PHACTR3: variants seen among roughly 807,000 people sequenced by gnomAD.
The protein encoded by PHACTR3 is protein phosphatase 1, regulatory subunit 123.
In PHACTR3, 16 loss-of-function variants were observed where a neutral mutation model predicts 66.8. The ratio of observed to expected loss-of-function variants is 0.24; its 90% CI spans 0.16 to 0.36. PHACTR3 has a LOEUF of 0.36. PHACTR3 is among the 10% of genes least tolerant of loss of function. PHACTR3 has a pLI of 1.00. For missense variants in PHACTR3, 647 were observed against 719.9 expected (o/e 0.90, Z 1.16); for synonymous variants, 323 against 292.1 (o/e 1.11, Z -1.08).
intron 2 of PHACTR3, among the ~76,000 whole-genome samples, chr20:59,743,816 T>G (rs1395591073): frequency 6.6e-6 from 1 of 152,096 alleles, no homozygotes; most frequent in Non-Finnish European, 1.5e-5. Flanking sequence ...GGGCCTCTCT[T>G]CTTCCTGAAA....
chr20:59,771,397 G>A (rs1436653357), intron 5 of PHACTR3, among the ~76,000 whole-genome samples: 2 of 152,150 alleles, frequency 1.3e-5, no homozygotes, highest in Non-Finnish European at 2.9e-5. Flanking sequence ...AGCTGGGGAT[G>A]GGTCTCCCTG....
chr20:59,724,049 C>T (rs2038457507), intron 1 of PHACTR3, among the ~76,000 whole-genome samples: 1 of 152,170 alleles, frequency 6.6e-6, no homozygotes, highest in Non-Finnish European at 1.5e-5. Flanking sequence ...ACACCTTTCA[C>T]ATGGTCACAC....
intron 1 of PHACTR3, among the ~76,000 whole-genome samples, chr20:59,617,911 A>G (rs2034091159): frequency 6.6e-6 from 1 of 152,176 alleles, no homozygotes. Context: ...CTGTTGCCTC[A>G]TCCTCGTGGT....
chr20:59,756,828 C>G (rs530989761), intron 4 of PHACTR3, among the ~76,000 whole-genome samples: 1 of 152,240 alleles, frequency 6.6e-6, no homozygotes, highest in Non-Finnish European at 1.5e-5. Context: ...CCCCTCCCCC[C>G]ACCAAGCAAT....
intron 1 of PHACTR3, among the ~76,000 whole-genome samples, chr20:59,725,845 A>G (rs1045162042): frequency 3.9e-5 from 6 of 152,146 alleles, no homozygotes; most frequent in Non-Finnish European, 8.8e-5. Flanking sequence ...AGAGGCTGAG[A>G]GGCTGGGAGT....
chr20:59,635,111 CTTT>C (rs2034805843), intron 1 of PHACTR3, among the ~76,000 whole-genome samples: 1 of 64,540 alleles, frequency 1.5e-5, no homozygotes, highest in Admixed American at 1.7e-4. Context: ...CTCTTTCTTT[CTTT>C]CTTTCTTTCT....
At chr20:59,819,608 G>A (rs183116493) in intron 8 of PHACTR3, among the ~76,000 whole-genome samples, 16 of 152,108 alleles carry the variant, frequency 1.1e-4, no homozygotes, top group Non-Finnish European at 2.4e-4. Context: ...GATCCCACAG[G>A]TCCAGCTCAG....
intron 1 of PHACTR3, among the ~76,000 whole-genome samples, chr20:59,711,984 CT>C (rs1248832106): frequency 1.3e-5 from 2 of 151,602 alleles, no homozygotes; most frequent in African/African-American, 2.4e-5. Context: ...ATATTAAGGA[CT>C]TTTTTTTCAT....
intron 7 of PHACTR3, among the ~76,000 whole-genome samples, chr20:59,793,526 CT>C (rs2041163863): frequency 6.6e-6 from 1 of 152,036 alleles, no homozygotes; most frequent in Non-Finnish European, 1.5e-5. Flanking sequence ...TCCCATTTTA[CT>C]TTTTTGTAGC....
chr20:59,696,886 C>T (rs1442352666), intron 1 of PHACTR3, among the ~76,000 whole-genome samples: 1 of 152,212 alleles, frequency 6.6e-6, no homozygotes, highest in Non-Finnish European at 1.5e-5. Context: ...GACTTTGAGA[C>T]AGTCCACGCT....
At chr20:59,770,474 G>A (rs542723150) in intron 5 of PHACTR3, among the ~76,000 whole-genome samples, 1 of 152,312 alleles carries the variant, frequency 6.6e-6, no homozygotes, top group Non-Finnish European at 1.5e-5. Context: ...GCCCAACTGA[G>A]TCTCCACCCA....
Position 59,830,073 on chromosome 20 carries a change from G to A in PHACTR3, c.1329-6432G>A, listed in dbSNP as rs1386943571. Among the ~76,000 whole-genome samples the A allele has an allele frequency of 2.0e-5, 3 of 152,318 alleles. No homozygotes were observed. In the East Asian group the frequency reaches 5.8e-4, roughly 29 times the overall value. ...GTGTGCAGAGGACGATTCAGAAACTGGTACAAACTTGGCACTGAGACGGCG... is the reference window on the plus strand; with the variant it reads ...GTGTGCAGAGGACGATTCAGAAACTAGTACAAACTTGGCACTGAGACGGCG... On this transcript the variant is annotated intron_variant, in intron 8 of 12. Transcript: ENST00000371015. This position sits in a 1 kb window ranked among gnomAD's most constrained non-coding sequence, Gnocchi z 5.8.
intron 8 of PHACTR3, among the ~76,000 whole-genome samples, chr20:59,828,557 G>A (rs2042257879): frequency 6.6e-6 from 1 of 152,188 alleles, no homozygotes; most frequent in Non-Finnish European, 1.5e-5. Context: ...GGACAAGACA[G>A]AACAATTGTA....
At chr20:59,739,154 C>T (rs956111041) in intron 1 of PHACTR3, among the ~76,000 whole-genome samples, 12 of 152,124 alleles carry the variant, frequency 7.9e-5, no homozygotes, top group Non-Finnish European at 1.2e-4. Context: ...TCCTGGGCTC[C>T]CACTGGGTAC....
At chr20:59,701,623 A>T (rs2146612248) in intron 1 of PHACTR3, among the ~76,000 whole-genome samples, 1 of 152,344 alleles carries the variant, frequency 6.6e-6, no homozygotes, top group South Asian at 2.1e-4. Context: ...TCTTACAAAA[A>T]GTGAGTTCCC....
At chr20:59,652,387 A>T (rs1465050179) in intron 1 of PHACTR3, among the ~76,000 whole-genome samples, 2 of 152,144 alleles carry the variant, frequency 1.3e-5, no homozygotes, top group Non-Finnish European at 2.9e-5. Flanking sequence ...CTGAAAAACA[A>T]AAGTAAAAAA....
chr20:59,816,528 G>A (rs1431811419), intron 8 of PHACTR3, among the ~76,000 whole-genome samples: 1 of 152,200 alleles, frequency 6.6e-6, no homozygotes, highest in Non-Finnish European at 1.5e-5. Flanking sequence ...AGTCTTTCCA[G>A]CTCAAAGTCC....
intron 4 of PHACTR3, among the ~76,000 whole-genome samples, chr20:59,760,629 A>C (rs1030225041): frequency 4.6e-5 from 7 of 152,160 alleles, no homozygotes; most frequent in South Asian, 4.1e-4. Context: ...ATATGGAACT[A>C]TGAGTCCATT....
At chr20:59,658,613 C>G (rs1333509752) in intron 1 of PHACTR3, among the ~76,000 whole-genome samples, 1 of 152,164 alleles carries the variant, frequency 6.6e-6, no homozygotes, top group African/African-American at 2.4e-5. Flanking sequence ...TAGCATGTGT[C>G]TCTTTGACTT....
Sources: gnomAD v4.1 joint callset for allele counts (sites outside exome capture counted in the v4.1 genomes callset) on GRCh38, gnomAD v4.1.1 for gene constraint, Gnocchi (gnomAD v3.1) non-coding constraint, MANE v1.5 for transcripts, NCBI Gene and HGNC (gene_info 2026-07-23, HGNC 2026-07-21) for gene names.